Variants in ST6GALNAC2 observed in about 807,000 individuals in gnomAD.
The protein encoded by ST6GALNAC2 is ST6 N-acetylgalactosaminide alpha-2,6-sialyltransferase 2, also known as alpha-N-acetylgalactosaminide alpha-2,6-sialyltransferase 2.
A neutral mutation model predicts 38.7 loss-of-function variants in ST6GALNAC2; 42 were observed. The observed-to-expected ratio is 1.09, with a 90% CI of 0.85 to 1.40. The LOEUF is 1.40. ST6GALNAC2 is among the 40% of genes most tolerant of loss of function. ST6GALNAC2 has a pLI of 0.00. For synonymous variants in ST6GALNAC2, 233 were observed against 209.0 expected, an observed-to-expected ratio of 1.11 and a Z score of -0.99; for missense variants, 506 against 481.7, an observed-to-expected ratio of 1.05 and a Z score of -0.47.
intron 2 of ST6GALNAC2, among the ~76,000 whole-genome samples, chr17:76,575,845 C>G (rs8070052): frequency 0.75 from 114,684 of 152,166 alleles, 43,486 homozygotes; most frequent in East Asian, 0.84. Flanking sequence ...TTAAGCCATT[C>G]GTTTGATCAA....
chr17:76,582,163 C>T (rs575297207), intron 1 of ST6GALNAC2, among the ~76,000 whole-genome samples: 19 of 125,512 alleles, frequency 1.5e-4, no homozygotes, highest in Admixed American at 7.2e-4. Context: ...CCGTGCCCAG[C>T]CTTTTTTTTT....
chr17:76,585,561 C>A, intron 1 of ST6GALNAC2, 123 bp downstream of exon 1: 5 of 1,168,308 alleles, frequency 4.3e-6, no homozygotes, highest in Non-Finnish European at 5.7e-6. Context: ...GAGAGCTGCC[C>A]CAGAGGGGTC....
intron 1 of ST6GALNAC2, among the ~76,000 whole-genome samples, chr17:76,582,166 T>TCA (rs2075485917): frequency 9.5e-5 from 1 of 10,578 alleles, no homozygotes; most frequent in Non-Finnish European, 2.8e-4. Context: ...TGCCCAGCCT[T>TCA]TTTTTTTTTT....
chr17:76,569,435 G>A, intron 6 of ST6GALNAC2: 2 of 384,810 alleles, frequency 5.2e-6, no homozygotes, highest in Non-Finnish European at 9.1e-6. Flanking sequence ...GGCACGTGTT[G>A]GACCTGAGGA....
intron 3 of ST6GALNAC2, among the ~76,000 whole-genome samples, 179 bp downstream of exon 3, chr17:76,574,186 C>G (rs1339572045): frequency 1.3e-5 from 2 of 152,140 alleles, no homozygotes; most frequent in Non-Finnish European, 2.9e-5. Context: ...CCCCTGGGTG[C>G]TTGGACGGAG....
chr17:76,568,802 A>G lies in ST6GALNAC2; in HGVS notation c.774-6T>C. The G allele has an allele frequency of 6.2e-7, 1 of 1,612,676 alleles. No individual in the cohort carries two copies. Among genetic ancestry groups the G allele is most frequent in the Non-Finnish European group, 8.5e-7 (1 of 1,179,696 alleles). On this transcript the variant is annotated splice_polypyrimidine_tract_variant and splice_region_variant and intron_variant, in intron 6 of 8. Coordinates refer to ENST00000225276, the MANE Select transcript of ST6GALNAC2 (RefSeq NM_006456.3). Reference sequence around the variant, plus strand: ...GTCCAAAATAGGCGTGCGGCCTAGGACCCATGATAGAAGTGGACAGAGCGC... The same window carrying G: ...GTCCAAAATAGGCGTGCGGCCTAGGGCCCATGATAGAAGTGGACAGAGCGC...
At position 76,578,190 on chromosome 17, in the gene ST6GALNAC2, CTCTTACTA is replaced by C. The variant is rs2075438775; in HGVS notation, c.186+558_186+565del. 3.3e-5 allele frequency among the ~76,000 whole-genome samples: 5 copies of C among 152,266 alleles called. No individual in the cohort carries two copies. In the South Asian group the frequency reaches 1.0e-3, roughly 32 times the overall value. ...CAAGAGGCTCAAACTCCAGGACTACCTCTTACTACCTAAGCGGGGTACTTAACTTCTTG... is the reference window on the plus strand; with the variant it reads ...CAAGAGGCTCAAACTCCAGGACTACCCCTAAGCGGGGTACTTAACTTCTTG... On this transcript the variant is annotated intron_variant, in intron 2 of 8. Transcript: ENST00000225276.
intron 1 of ST6GALNAC2, among the ~76,000 whole-genome samples, chr17:76,585,133 C>G (rs967643163): frequency 2.0e-5 from 3 of 152,234 alleles, no homozygotes; most frequent in African/African-American, 7.2e-5. Flanking sequence ...CGCGCCCGCA[C>G]TGGGCTTATC....
chr17:76,569,499 A>G (rs2075327798), intron 6 of ST6GALNAC2: 1 of 75,686 alleles, frequency 1.3e-5, no homozygotes, highest in African/African-American at 2.5e-4. Context: ...TTGGGGTGGG[A>G]GGGTGGGAGG....
At chr17:76,582,762 C>T (rs1009212409) in intron 1 of ST6GALNAC2, among the ~76,000 whole-genome samples, 4 of 152,162 alleles carry the variant, frequency 2.6e-5, no homozygotes, top group Admixed American at 6.5e-5. Flanking sequence ...TGTCCATTTG[C>T]AGTCCCAAGC....
At chr17:76,582,429 A>G (rs1484593885) in intron 1 of ST6GALNAC2, among the ~76,000 whole-genome samples, 1 of 149,086 alleles carries the variant, frequency 6.7e-6, no homozygotes, top group East Asian at 2.0e-4. Flanking sequence ...TCAGCCTCCC[A>G]AAGTGCTAGG....
chr17:76,569,646 C>T (rs1489253007), intron 6 of ST6GALNAC2: 1 of 398,050 alleles, frequency 2.5e-6, no homozygotes, highest in African/African-American at 2.1e-5. Flanking sequence ...AAGGGGAGCT[C>T]ATTGGTGTTG....
chr17:76,572,904 C>A, intron 4 of ST6GALNAC2, 129 bp from the exon 5 acceptor site: 1 of 1,173,242 alleles, frequency 8.5e-7, no homozygotes, highest in Non-Finnish European at 1.2e-6. Flanking sequence ...ATGGCAGTAC[C>A]AGTGCCCAGT....
In ST6GALNAC2 at chr17:76,585,713, C is replaced by T; in HGVS notation, c.96G>A (p.Gln32=). The T allele has an allele frequency of 6.5e-7, 1 of 1,533,742 alleles. No individual in the cohort carries two copies. ...LLFALYFSAV[Q]RYPGPAAGAR... is the part of the protein sequence containing the mutation. ...CTCCGGCCGCTGGCCCCGGGTACCGCTGCACCGCCGAGAAGTACAGGGCAA... is the reference window on the plus strand; with the variant it reads ...CTCCGGCCGCTGGCCCCGGGTACCGTTGCACCGCCGAGAAGTACAGGGCAA... Residue 32 remains glutamine (Q), a synonymous_variant, in exon 1 of 9, where the codon CAG becomes CAA. Transcript: ENST00000225276.
intron 1 of ST6GALNAC2, 91 bp from the exon 2 acceptor site, chr17:76,578,907 G>T: frequency 8.8e-7 from 1 of 1,140,696 alleles, no homozygotes; most frequent in Non-Finnish European, 1.3e-6. Flanking sequence ...AGCTCTAGGG[G>T]CGGACAAAGT....
chr17:76,573,138 C>A lies in ST6GALNAC2; in HGVS notation c.530+57G>T. 1.3e-6 allele frequency: 2 copies of A among 1,522,956 alleles called. No individual in the cohort carries two copies. The highest frequency in any genetic ancestry group is 1.8e-6 in the Non-Finnish European group (2 of 1,124,952). 94.3% of individuals were successfully genotyped at this position (1,522,956 alleles called of 1,614,324 possible). ...TAGCCCACTGCCCCTGGGGGAGACA[C>A]CCCCACCCTCCAGGCAACTCTCCCT... On this transcript the variant is annotated intron_variant, in intron 4 of 8. Transcript: ENST00000225276. This position sits in a 1 kb window ranked among gnomAD's most constrained non-coding sequence, Gnocchi z 5.1.
intron 1 of ST6GALNAC2, among the ~76,000 whole-genome samples, chr17:76,583,133 T>G (rs112336265): frequency 0.13 from 19,978 of 152,112 alleles, 1,643 homozygotes; most frequent in African/African-American, 0.23. Context: ...CCCAGCACTT[T>G]GGGAGGCCCA....
In ST6GALNAC2 at chr17:76,573,819, G is replaced by A. The variant is rs1290028630; in HGVS notation, c.362-456C>T. On this transcript the variant is annotated intron_variant, in intron 3 of 8. Transcript: ENST00000225276. This position sits in a 1 kb window ranked among gnomAD's most constrained non-coding sequence, Gnocchi z 5.1. ...GGTGCGTGCCTAATCCCAGCTACTT[G>A]GGAGGCTGAGGCACAAGAATCACTT... is the stretch of plus-strand genomic sequence containing the variant. 3.9e-5 allele frequency among the ~76,000 whole-genome samples: 6 copies of A among 152,172 alleles called. No individual in the cohort carries two copies. The highest frequency in any genetic ancestry group is 8.8e-5 in the Non-Finnish European group (6 of 68,030).
chr17:76,568,629 G>C, intron 7 of ST6GALNAC2, 84 bp downstream of exon 7: 1 of 1,357,146 alleles, frequency 7.4e-7, no homozygotes, highest in East Asian at 2.3e-5. Flanking sequence ...CGTGGGGCTC[G>C]TGCGAGGGCG....
Sources: gnomAD v4.1 joint callset for allele counts (sites outside exome capture counted in the v4.1 genomes callset) on GRCh38, gnomAD v4.1.1 for gene constraint, Gnocchi (gnomAD v3.1) non-coding constraint, MANE v1.5 for transcripts, NCBI Gene and HGNC (gene_info 2026-07-23, HGNC 2026-07-21) for gene names.